Variants in TSHZ2 observed in about 807,000 individuals in gnomAD.
The protein encoded by TSHZ2 is teashirt homolog 2.
Under a neutral mutation model 74.4 loss-of-function variants are expected in TSHZ2, and 21 were observed. That is an observed-to-expected ratio of 0.28 (90% CI 0.20 to 0.41). The LOEUF (loss-of-function observed/expected upper bound fraction) is 0.41. Ranked by LOEUF, TSHZ2 falls within the 10% of genes least tolerant of loss-of-function variation. The probability of loss-of-function intolerance (pLI) is 1.00; values close to 1 mark genes in which losing one functional copy is unlikely to be tolerated. For synonymous variants in TSHZ2, 540 were observed against 515.3 expected (o/e 1.05, Z -0.65); for missense variants, 1,244 against 1,293.5 (o/e 0.96, Z 0.59).
intron 1 of TSHZ2, among the ~76,000 whole-genome samples, chr20:53,162,069 G>C (rs1007405195): frequency 6.6e-6 from 1 of 152,100 alleles, no homozygotes; most frequent in Non-Finnish European, 1.5e-5. Flanking sequence ...CCAGTTCCTG[G>C]CTCAAAATAC....
chr20:53,079,479 G>T (rs973215489), intron 1 of TSHZ2, among the ~76,000 whole-genome samples: 2 of 152,156 alleles, frequency 1.3e-5, no homozygotes, highest in Non-Finnish European at 2.9e-5. Flanking sequence ...TATGTTTAAG[G>T]CATCTTAGCG....
At chr20:53,144,069 AG>A (rs1241944832) in intron 1 of TSHZ2, among the ~76,000 whole-genome samples, 7 of 152,158 alleles carry the variant, frequency 4.6e-5, no homozygotes, top group Non-Finnish European at 8.8e-5. Flanking sequence ...AGACCAGATG[AG>A]CCAGTTTATC....
At position 53,358,066 on chromosome 20, in the gene TSHZ2, G is replaced by A. The variant is rs989931150; in HGVS notation, c.*8+101495G>A. On this transcript the variant is annotated intron_variant, in intron 2 of 2. Coordinates refer to ENST00000371497, the MANE Select transcript of TSHZ2 (RefSeq NM_173485.6). Reference sequence around the variant, plus strand: ...GGTATAATTTCATTTTCACATGGACGACCGCAAACTCAAGCTTCTTTAAAA... The same window carrying A: ...GGTATAATTTCATTTTCACATGGACAACCGCAAACTCAAGCTTCTTTAAAA... Among the ~76,000 whole-genome samples the A allele has an allele frequency of 3.3e-5, 5 of 152,034 alleles. No homozygotes were observed. The East Asian group carries it at 7.7e-4, about 23-fold the overall frequency.
In TSHZ2 at chr20:53,256,528, C is replaced by T. The variant is rs1338497848; in HGVS notation, c.3070C>T (p.His1024Tyr). 1.9e-6 allele frequency: 3 copies of T among 1,605,072 alleles called. No individual in the cohort carries two copies. Among genetic ancestry groups the T allele is most frequent in the Middle Eastern group, 3.3e-4 (2 of 6,028 alleles). ...AACGCACAGCAAGTCACCCGAACAC[C>T]ATTCACAGTTTGTAACAGACGTGGA... ...SKTHSKSPEH[H>Y]SQFVTDVDEE The change falls in exon 2 of 3, where the codon CAT (histidine) becomes TAT (tyrosine). Residue 1024 changes from histidine to tyrosine, a missense_variant. By Grantham distance (83) the His-to-Tyr change is moderately conservative. Transcript: ENST00000371497. This position sits in a 1 kb window ranked among gnomAD's most constrained non-coding sequence, Gnocchi z 4.3.
chr20:53,243,117 T>C (rs965747118), intron 1 of TSHZ2, among the ~76,000 whole-genome samples: 3 of 151,910 alleles, frequency 2.0e-5, no homozygotes, highest in Admixed American at 6.6e-5. Flanking sequence ...ACGAAAGGCA[T>C]TGGAGCTGAA....
At chr20:53,428,925 A>G (rs985456728) in intron 2 of TSHZ2, among the ~76,000 whole-genome samples, 10 of 152,186 alleles carry the variant, frequency 6.6e-5, no homozygotes, top group Admixed American at 6.5e-4. Flanking sequence ...AGGTGACCAT[A>G]CTGTGGAGGT....
chr20:53,119,208 C>T (rs771989069), intron 1 of TSHZ2, among the ~76,000 whole-genome samples: 1 of 152,122 alleles, frequency 6.6e-6, no homozygotes, highest in East Asian at 1.9e-4. Context: ...CATAGATTCT[C>T]CCTCTGCCAA....
At chr20:53,387,588 T>G (rs150212542) in intron 2 of TSHZ2, among the ~76,000 whole-genome samples, 193 of 152,290 alleles carry the variant, frequency 1.3e-3, no homozygotes, top group Non-Finnish European at 2.2e-3. Context: ...CTCTCAAGTC[T>G]TGATTTGGGA....
intron 1 of TSHZ2, among the ~76,000 whole-genome samples, chr20:53,167,542 A>G (rs1203657781): frequency 6.6e-6 from 1 of 151,618 alleles, no homozygotes; most frequent in Non-Finnish European, 1.5e-5. Context: ...GTAGGGAGTA[A>G]TGTTTTGTTT....
intron 2 of TSHZ2, among the ~76,000 whole-genome samples, chr20:53,401,472 T>C (rs1314407286): frequency 3.9e-5 from 6 of 152,220 alleles, no homozygotes; most frequent in African/African-American, 1.2e-4. Flanking sequence ...TGGTGATTTC[T>C]GAGATTTTGG....
chr20:53,052,609 T>G (rs1252579385), intron 1 of TSHZ2, among the ~76,000 whole-genome samples: 1 of 152,224 alleles, frequency 6.6e-6, no homozygotes, highest in Admixed American at 6.5e-5. Context: ...GGTTCTGTGA[T>G]AACATGTATC....
chr20:53,392,443 C>CA (rs1302823444), intron 2 of TSHZ2, among the ~76,000 whole-genome samples: 1 of 151,680 alleles, frequency 6.6e-6, no homozygotes, highest in Non-Finnish European at 1.5e-5. Context: ...GACTCTGTCT[C>CA]AAAAACAAAC....
intron 1 of TSHZ2, chr20:53,185,596 G>A: frequency 6.5e-7 from 1 of 1,529,714 alleles, no homozygotes; most frequent in Non-Finnish European, 8.8e-7. Flanking sequence ...CTCCAGCTGG[G>A]GATACAGAGC....
intron 2 of TSHZ2, among the ~76,000 whole-genome samples, chr20:53,406,774 A>G (rs1356234380): frequency 6.6e-6 from 1 of 152,178 alleles, no homozygotes; most frequent in Non-Finnish European, 1.5e-5. Context: ...AAACTAAAAC[A>G]TGGCGTGGGG....
At chr20:53,222,331 C>T (rs1989583760) in intron 1 of TSHZ2, among the ~76,000 whole-genome samples, 2 of 152,202 alleles carry the variant, frequency 1.3e-5, no homozygotes, top group Non-Finnish European at 1.5e-5. Flanking sequence ...TCTTGCCTCT[C>T]TACAGACACT....
chr20:53,455,030 C>A (rs886262473), intron 2 of TSHZ2, among the ~76,000 whole-genome samples: 2 of 152,050 alleles, frequency 1.3e-5, no homozygotes, highest in African/African-American at 4.8e-5. Flanking sequence ...CTATATAAAA[C>A]CCTTATTTCT....
intron 1 of TSHZ2, among the ~76,000 whole-genome samples, chr20:53,056,887 A>G (rs1984656999): frequency 6.6e-6 from 1 of 152,086 alleles, no homozygotes; most frequent in Non-Finnish European, 1.5e-5. Context: ...CTTGTCTGTT[A>G]GTAATTTTTG....
At chr20:53,332,609 G>C (rs1979769641) in intron 2 of TSHZ2, among the ~76,000 whole-genome samples, 1 of 152,170 alleles carries the variant, frequency 6.6e-6, no homozygotes, top group Non-Finnish European at 1.5e-5. Flanking sequence ...AGTGGTGTGT[G>C]AAGCTGAAAG....
chr20:53,246,040 C>CTTTTTTTTTTTTTTTTTT lies in TSHZ2; in HGVS notation c.41-7446_41-7445insTTTTTTTTTTTTTTTTTT, dbSNP rs57243805. Among the ~76,000 whole-genome samples the CTTTTTTTTTTTTTTTTTT allele has an allele frequency of 7.0e-4, 91 of 130,606 alleles. 1 individual carries two copies. Among genetic ancestry groups the CTTTTTTTTTTTTTTTTTT allele is most frequent in the Middle Eastern group, 4.1e-3 (1 of 246 alleles). The allele number at this position is 130,606 out of a possible 152,430, so 85.7% of individuals were successfully genotyped here. On this transcript the variant is annotated intron_variant, in intron 1 of 2. Coordinates refer to ENST00000371497, the MANE Select transcript of TSHZ2 (RefSeq NM_173485.6). ...TGTGCTTTTCTTTCTTTCTTTCTTT[C>CTTTTTTTTTTTTTTTTTT]TTTTTTTTTTTTTGTTTGAGACAGA...
Sources: gnomAD v4.1 joint callset for allele counts (sites outside exome capture counted in the v4.1 genomes callset) on GRCh38, gnomAD v4.1.1 for gene constraint, Gnocchi (gnomAD v3.1) non-coding constraint, MANE v1.5 for transcripts, NCBI Gene and HGNC (gene_info 2026-07-23, HGNC 2026-07-21) for gene names.